Variants in SYT9 observed in about 807,000 individuals in gnomAD.
SYT9 encodes synaptotagmin-9.
Under a neutral mutation model 48.4 loss-of-function variants are expected in SYT9, and 22 were observed. The observed-to-expected ratio is 0.45, with a 90% CI of 0.32 to 0.65. The LOEUF is 0.65. Among genes scored for constraint, SYT9 ranks in the 30% least tolerant of loss-of-function variants. SYT9 has a pLI of 0.03. For synonymous variants in SYT9, 265 were observed against 245.0 expected (o/e 1.08, Z -0.76); for missense variants, 577 against 622.0 (o/e 0.93, Z 0.77).
intron 6 of SYT9, among the ~76,000 whole-genome samples, chr11:7,448,023 A>G (rs958859788): frequency 2.6e-5 from 4 of 152,216 alleles, no homozygotes; most frequent in Non-Finnish European, 5.9e-5. Context: ...AAGCTGAATG[A>G]AAAACACCCT....
At chr11:7,280,122 C>T (rs79559867) in intron 1 of SYT9, among the ~76,000 whole-genome samples, 140 of 152,360 alleles carry the variant, frequency 9.2e-4, no homozygotes, top group African/African-American at 3.3e-3. Flanking sequence ...TAAATATACA[C>T]GCATACGTTT....
At chr11:7,294,703 G>T (rs1848762034) in intron 1 of SYT9, among the ~76,000 whole-genome samples, 1 of 152,188 alleles carries the variant, frequency 6.6e-6, no homozygotes, top group South Asian at 2.1e-4. Context: ...CCTGCCTGGG[G>T]CTGTGGCTCT....
chr11:7,382,811 A>G (rs551624652), intron 3 of SYT9, among the ~76,000 whole-genome samples: 2 of 152,196 alleles, frequency 1.3e-5, no homozygotes, highest in African/African-American at 4.8e-5. Context: ...ACCTGGAAGC[A>G]TTTGAGGGAG....
At position 7,252,896 on chromosome 11, in the gene SYT9, G is replaced by A. The variant is rs1354976140; in HGVS notation, c.145+565G>A. On this transcript the variant is annotated intron_variant, in intron 1 of 6. Transcript: ENST00000318881. This position sits in a 1 kb window ranked among gnomAD's most constrained non-coding sequence, Gnocchi z 6.3. Reference sequence around the variant, plus strand: ...GGGTGCTTCTGGCCTTGGGCAGACGGGCCTGAACCCGTTCCCGGCGGGTCG... The same window carrying A: ...GGGTGCTTCTGGCCTTGGGCAGACGAGCCTGAACCCGTTCCCGGCGGGTCG... Among the ~76,000 whole-genome samples the A allele has an allele frequency of 2.6e-5, 4 of 152,228 alleles. No homozygotes were observed. Among genetic ancestry groups the A allele is most frequent in the Non-Finnish European group, 5.9e-5 (4 of 68,038 alleles).
At chr11:7,301,054 C>T (rs1848910781) in intron 1 of SYT9, among the ~76,000 whole-genome samples, 1 of 152,168 alleles carries the variant, frequency 6.6e-6, no homozygotes, top group South Asian at 2.1e-4. Flanking sequence ...CAGTAATTGG[C>T]TTTTCTTTTA....
At chr11:7,324,909 A>G (rs1333214528) in intron 3 of SYT9, among the ~76,000 whole-genome samples, 2 of 152,106 alleles carry the variant, frequency 1.3e-5, no homozygotes, top group East Asian at 1.9e-4. Context: ...TCAGTTATTG[A>G]TAAAATGTGT....
intron 1 of SYT9, among the ~76,000 whole-genome samples, chr11:7,266,764 T>C (rs2119817994): frequency 6.6e-6 from 1 of 152,158 alleles, no homozygotes; most frequent in South Asian, 2.1e-4. Flanking sequence ...TCTTAGGGTT[T>C]GCAGTGGTGT....
chr11:7,288,681 C>G (rs1848643869), intron 1 of SYT9, among the ~76,000 whole-genome samples: 1 of 151,122 alleles, frequency 6.6e-6, no homozygotes, highest in African/African-American at 2.5e-5. Context: ...TCCTCCTTCT[C>G]ATTTATACTT....
chr11:7,258,982 G>T (rs1848029071), intron 1 of SYT9, among the ~76,000 whole-genome samples: 2 of 151,854 alleles, frequency 1.3e-5, no homozygotes, highest in African/African-American at 2.4e-5. Context: ...CTAGTATCTG[G>T]GTTACTAGTT....
At chr11:7,432,580 AAAATATATATACATATATATATATATAT>A (rs1847617983) in intron 6 of SYT9, among the ~76,000 whole-genome samples, 17 of 6,170 alleles carry the variant, frequency 2.8e-3, no homozygotes, top group South Asian at 9.8e-3. Context: ...AAAAAAAAAA[AAAATATATATACATATATATATATATAT>A]ATATATATAT....
At chr11:7,385,775 G>A (rs1015469703) in intron 3 of SYT9, among the ~76,000 whole-genome samples, 3 of 152,108 alleles carry the variant, frequency 2.0e-5, no homozygotes, top group African/African-American at 4.8e-5. Flanking sequence ...AGTCCATCCT[G>A]GACACTAGTT....
intron 3 of SYT9, among the ~76,000 whole-genome samples, chr11:7,414,621 A>G (rs578062269): frequency 6.0e-5 from 9 of 149,830 alleles, no homozygotes; most frequent in South Asian, 2.1e-4. Context: ...CCTTGAGGTC[A>G]TGGCTCCAGG....
intron 1 of SYT9, among the ~76,000 whole-genome samples, chr11:7,262,588 A>G (rs1039508950): frequency 6.6e-6 from 1 of 152,138 alleles, no homozygotes; most frequent in Non-Finnish European, 1.5e-5. Flanking sequence ...AGAAAATCCA[A>G]GCAAGAGTGT....
At chr11:7,249,358 A>G (rs1390874619), upstream of SYT9, among the ~76,000 whole-genome samples, 1 of 152,186 alleles carries the variant, frequency 6.6e-6, no homozygotes, top group Non-Finnish European at 1.5e-5. Flanking sequence ...AGTGAGTCAC[A>G]AGGCAGGCCC....
chr11:7,311,483 C>T (rs1184574563), intron 2 of SYT9, among the ~76,000 whole-genome samples: 1 of 152,160 alleles, frequency 6.6e-6, no homozygotes, highest in Non-Finnish European at 1.5e-5. Context: ...AGTGACAGGG[C>T]CTAGGGCTGA....
intron 1 of SYT9, among the ~76,000 whole-genome samples, chr11:7,265,382 A>G (rs781620617): frequency 2.6e-5 from 4 of 152,152 alleles, no homozygotes; most frequent in African/African-American, 4.8e-5. Context: ...AGATTTTTGT[A>G]AAGTGGTTCC....
intron 3 of SYT9, among the ~76,000 whole-genome samples, chr11:7,370,105 C>G (rs34879106): frequency 2.0e-5 from 3 of 152,016 alleles, no homozygotes; most frequent in African/African-American, 7.2e-5. Context: ...TATGCCTTTA[C>G]GTCCTCATAG....
chr11:7,403,064 T>C (rs1846928270), intron 3 of SYT9, among the ~76,000 whole-genome samples: 1 of 152,080 alleles, frequency 6.6e-6, no homozygotes, highest in South Asian at 2.1e-4. Context: ...TTCTTATTTT[T>C]CTGGATTTTT....
At chr11:7,290,001 C>T (rs1490886502) in intron 1 of SYT9, among the ~76,000 whole-genome samples, 1 of 152,198 alleles carries the variant, frequency 6.6e-6, no homozygotes, top group African/African-American at 2.4e-5. Flanking sequence ...TACTAATAGT[C>T]GAAACCTGAC....
Sources: gnomAD v4.1 joint callset for allele counts (sites outside exome capture counted in the v4.1 genomes callset) on GRCh38, gnomAD v4.1.1 for gene constraint, Gnocchi (gnomAD v3.1) non-coding constraint, MANE v1.5 for transcripts, NCBI Gene and HGNC (gene_info 2026-07-23, HGNC 2026-07-21) for gene names.